DNAH7: variants seen among roughly 807,000 people sequenced by gnomAD.
DNAH7 encodes the protein axonemal beta dynein heavy chain 7.
Under a neutral mutation model 444.6 loss-of-function variants are expected in DNAH7, and 397 were observed. The observed-to-expected ratio is 0.89, with a 90% CI of 0.82 to 0.97. The LOEUF is 0.97. Among genes scored for constraint, DNAH7 ranks in the 50% least tolerant of loss-of-function variants. DNAH7 has a pLI of 0.00. For missense variants in DNAH7, 4,902 were observed against 4,800.8 expected, an observed-to-expected ratio of 1.02 and a Z score of -0.62; for synonymous variants, 1,636 against 1,624.4, an observed-to-expected ratio of 1.01 and a Z score of -0.17.
rs1294195051 is a variant in DNAH7 at position 195,858,551 on chromosome 2, C to T, written c.7990G>A (p.Glu2664Lys). ...QAMASKAIKDECDADLAGALP... is the reference protein window; with the variant it reads ...QAMASKAIKDKCDADLAGALP... ...GCACCTGCCAGGTCAGCATCGCACT[C>T]ATCTTTGATGGCTTTGGAAGCCATA... The change falls in exon 43 of 65, where the codon GAG (glutamate) becomes AAG (lysine). Residue 2664 changes from glutamate (E) to lysine (K), a missense_variant. Coordinates refer to ENST00000312428, the MANE Select transcript of DNAH7 (RefSeq NM_018897.3). The T allele has an allele frequency of 6.2e-7, 1 of 1,613,828 alleles. No homozygotes were observed. Among genetic ancestry groups the T allele is most frequent in the Non-Finnish European group, 8.5e-7 (1 of 1,179,942 alleles).
intron 61 of DNAH7, among the ~76,000 whole-genome samples, chr2:195,767,934 T>C (rs1694662617): frequency 6.6e-6 from 1 of 151,794 alleles, no homozygotes; most frequent in Non-Finnish European, 1.5e-5. Context: ...AGAATAGATT[T>C]TGCTAGAAAA....
intron 7 of DNAH7, among the ~76,000 whole-genome samples, chr2:196,025,388 A>G (rs1468312008): frequency 6.6e-6 from 1 of 152,124 alleles, no homozygotes; most frequent in African/African-American, 2.4e-5. Flanking sequence ...CCCCTTCCCT[A>G]CAATCTTTCA....
At chr2:195,915,147 GATATATCAA>G (rs1314908061) in intron 24 of DNAH7, among the ~76,000 whole-genome samples, 1 of 152,110 alleles carries the variant, frequency 6.6e-6, no homozygotes, top group Non-Finnish European at 1.5e-5. Context: ...AAGAATATCA[GATATATCAA>G]ATATATTTTC....
intron 5 of DNAH7, among the ~76,000 whole-genome samples, chr2:196,038,121 G>T (rs1034615953): frequency 6.8e-6 from 1 of 146,820 alleles, no homozygotes; most frequent in Admixed American, 6.8e-5. Flanking sequence ...AGTGCTAAAA[G>T]AAAAAAAAAA....
chr2:195,923,575 C>T lies in DNAH7; in HGVS notation c.3825+20G>A. ...GAGCTGAAATTGCTGTGTAATATAA[C>T]ATTCAGTGATACCACTTACTTGCCA... On this transcript the variant is annotated intron_variant, in intron 23 of 64. Transcript: ENST00000312428. 1 of 1,610,248 alleles carries T rather than the reference C, an allele frequency of 6.2e-7. No homozygotes were observed. The highest frequency in any genetic ancestry group is 8.5e-7 in the Non-Finnish European group (1 of 1,176,746).
chr2:196,045,304 AAG>A (rs1491508761), intron 5 of DNAH7, among the ~76,000 whole-genome samples: 1 of 134,666 alleles, frequency 7.4e-6, no homozygotes, highest in African/African-American at 3.6e-5. Flanking sequence ...GAAAAGAAAA[AAG>A]AAAAAAAAGA....
At chr2:195,860,102 C>A (rs1699932683) in intron 42 of DNAH7, among the ~76,000 whole-genome samples, 1 of 151,854 alleles carries the variant, frequency 6.6e-6, no homozygotes, top group Non-Finnish European at 1.5e-5. Flanking sequence ...ATTTGAAGGG[C>A]AAATAAGAAT....
At chr2:195,819,223 A>G (rs1212507263) in intron 49 of DNAH7, among the ~76,000 whole-genome samples, 1 of 151,960 alleles carries the variant, frequency 6.6e-6, no homozygotes, top group Non-Finnish European at 1.5e-5. Context: ...ACCCCAAGCT[A>G]CTTTCTGCAC....
intron 21 of DNAH7, among the ~76,000 whole-genome samples, chr2:195,934,079 A>G (rs1688884424): frequency 6.6e-6 from 1 of 152,074 alleles, no homozygotes; most frequent in Admixed American, 6.6e-5. Context: ...CTCTACCAAC[A>G]AAAGTAATCA....
intron 46 of DNAH7, among the ~76,000 whole-genome samples, chr2:195,852,243 G>A (rs1463104427): frequency 6.6e-6 from 1 of 151,890 alleles, no homozygotes; most frequent in East Asian, 1.9e-4. Context: ...GGGCGACAGA[G>A]GGAGGCTCCT....
At chr2:195,896,720 C>CCAGTACTAAA (rs1702340078) in intron 29 of DNAH7, among the ~76,000 whole-genome samples, 1 of 152,118 alleles carries the variant, frequency 6.6e-6, no homozygotes, top group African/African-American at 2.4e-5. Flanking sequence ...GTACAGTGCA[C>CCAGTACTAAA]CAGTACTAAA....
rs899594122 is a variant in DNAH7 at position 195,808,941 on chromosome 2, C to T, written c.9889-65G>A. 10 of 1,413,864 alleles carry T rather than the reference C, an allele frequency of 7.1e-6. No homozygotes were observed. In the African/African-American group the frequency reaches 1.3e-4, roughly 18 times the overall value. The allele number at this position is 1,413,864 out of a possible 1,614,324, so 87.6% of individuals were successfully genotyped here. On this transcript the variant is annotated intron_variant, in intron 52 of 64. Coordinates refer to ENST00000312428, the MANE Select transcript of DNAH7 (RefSeq NM_018897.3). ...TCATCATAAACTAGTAAGCTTACAA[C>T]CATTATAAAAGAGTTGAGTGTTGAC...
chr2:196,057,462 A>G (rs1697878264), intron 2 of DNAH7, among the ~76,000 whole-genome samples: 1 of 152,216 alleles, frequency 6.6e-6, no homozygotes, highest in Admixed American at 6.5e-5. Flanking sequence ...AACTAGAAAC[A>G]AGATAAATAT....
At chr2:195,806,090 C>T (rs1286990770) in intron 54 of DNAH7, among the ~76,000 whole-genome samples, 1 of 136,888 alleles carries the variant, frequency 7.3e-6, no homozygotes, top group Admixed American at 7.6e-5. Flanking sequence ...CAATTTTTTC[C>T]AACATAGCTA....
chr2:195,774,954 T>C (rs1694997235), intron 60 of DNAH7, among the ~76,000 whole-genome samples: 1 of 152,220 alleles, frequency 6.6e-6, no homozygotes, highest in African/African-American at 2.4e-5. Flanking sequence ...TAATTTCCTT[T>C]CAAAAACAAA....
chr2:195,741,297 G>T (rs1352785647), intron 63 of DNAH7, among the ~76,000 whole-genome samples: 1 of 152,158 alleles, frequency 6.6e-6, no homozygotes, highest in Non-Finnish European at 1.5e-5. Context: ...CCCTTCTGCA[G>T]ATCTCTAATG....
At chr2:195,885,643 T>C (rs1478580199) in intron 34 of DNAH7, among the ~76,000 whole-genome samples, 1 of 152,208 alleles carries the variant, frequency 6.6e-6, no homozygotes, top group Admixed American at 6.5e-5. Flanking sequence ...TCTACTGATA[T>C]TTTTATTCCC....
chr2:195,813,954 A>G (rs1481913560), intron 51 of DNAH7, among the ~76,000 whole-genome samples: 1 of 152,248 alleles, frequency 6.6e-6, no homozygotes, highest in African/African-American at 2.4e-5. Context: ...GACACAAAAA[A>G]GCAGACACTG....
chr2:196,047,620 C>A, intron 4 of DNAH7, 121 bp from the exon 5 acceptor site: 2 of 833,686 alleles, frequency 2.4e-6, no homozygotes, highest in Non-Finnish European at 1.6e-6. Flanking sequence ...ATCAAGTAAT[C>A]CTAAGTATAA....
Sources: gnomAD v4.1 joint callset for allele counts (sites outside exome capture counted in the v4.1 genomes callset) on GRCh38, gnomAD v4.1.1 for gene constraint, MANE v1.5 for transcripts, NCBI Gene and HGNC (gene_info 2026-07-23, HGNC 2026-07-21) for gene names.